Variants in NCKAP5 observed in about 807,000 individuals in gnomAD.
NCKAP5 encodes nck-associated protein 5.
Under a neutral mutation model 167.0 loss-of-function variants are expected in NCKAP5, and 92 were observed. That is an observed-to-expected ratio of 0.55 (90% CI 0.47 to 0.66). The LOEUF is 0.66. NCKAP5 is among the 30% of genes least tolerant of loss of function. The pLI is 0.00. For synonymous variants in NCKAP5, 891 were observed against 877.4 expected (o/e 1.02, Z -0.27); for missense variants, 2,378 against 2,315.0 (o/e 1.03, Z -0.56).
At chr2:133,511,122 C>A (rs1683451778) in intron 3 of NCKAP5, among the ~76,000 whole-genome samples, 1 of 152,238 alleles carries the variant, frequency 6.6e-6, no homozygotes, top group African/African-American at 2.4e-5. Context: ...ATCCTCATTG[C>A]TGACATGCTC....
At chr2:133,158,586 G>T (rs2083666395) in intron 5 of NCKAP5, among the ~76,000 whole-genome samples, 1 of 152,130 alleles carries the variant, frequency 6.6e-6, no homozygotes, top group African/African-American at 2.4e-5. Flanking sequence ...ACCTCAGAAT[G>T]ATGCTTCTCT....
chr2:133,034,626 T>A (rs2149435478), intron 6 of NCKAP5, among the ~76,000 whole-genome samples: 1 of 152,100 alleles, frequency 6.6e-6, no homozygotes, highest in Non-Finnish European at 1.5e-5. Context: ...GGGAACAAAG[T>A]TAAGGTGTAG....
At chr2:132,842,078 A>G (rs911851390) in intron 11 of NCKAP5, among the ~76,000 whole-genome samples, 1 of 152,162 alleles carries the variant, frequency 6.6e-6, no homozygotes, top group African/African-American at 2.4e-5. Context: ...TTAGGATTAC[A>G]TAAAGCTTAG....
At chr2:132,689,715 G>T (rs979127408) in intron 19 of NCKAP5, among the ~76,000 whole-genome samples, 2 of 152,032 alleles carry the variant, frequency 1.3e-5, no homozygotes, top group African/African-American at 4.8e-5. Context: ...CACAATTCAG[G>T]CAACCTCTGT....
intron 3 of NCKAP5, among the ~76,000 whole-genome samples, chr2:133,306,709 T>A (rs553212412): frequency 1.6e-4 from 24 of 152,338 alleles, no homozygotes; most frequent in African/African-American, 5.3e-4. Context: ...ATTCTTATTA[T>A]GAGGTGACTC....
At chr2:133,109,054 C>T (rs551682580) in intron 6 of NCKAP5, among the ~76,000 whole-genome samples, 3 of 152,300 alleles carry the variant, frequency 2.0e-5, no homozygotes, top group African/African-American at 7.2e-5. Context: ...TAACCATTCC[C>T]TCTCGGGCTA....
chr2:133,619,563 G>A, the NCKAP5 span, among the ~76,000 whole-genome samples: 1 of 151,904 alleles, frequency 6.6e-6, no homozygotes, highest in African/African-American at 2.4e-5. Context: ...GGAAAAATAT[G>A]AACAAAGCCT....
chr2:133,049,872 G>T (rs991773452), intron 6 of NCKAP5, among the ~76,000 whole-genome samples: 6 of 152,168 alleles, frequency 3.9e-5, no homozygotes, highest in East Asian at 1.9e-4. Context: ...TAATTCCCTG[G>T]CCTAGTGCTA....
chr2:132,949,672 C>T (rs915420515), intron 8 of NCKAP5, among the ~76,000 whole-genome samples: 6 of 152,172 alleles, frequency 3.9e-5, no homozygotes, highest in African/African-American at 1.4e-4. Context: ...CTGGCTTTGC[C>T]ATACCTACAT....
chr2:133,109,208 A>ACT (rs2081826565), intron 6 of NCKAP5, among the ~76,000 whole-genome samples: 2 of 152,190 alleles, frequency 1.3e-5, no homozygotes, highest in African/African-American at 4.8e-5. Context: ...TTAAGATACC[A>ACT]CTTACTTGAT....
At chr2:133,129,932 A>T in intron 6 of NCKAP5, 46 bp downstream of exon 6, 1 of 1,533,934 alleles carries the variant, frequency 6.5e-7, no homozygotes, top group Non-Finnish European at 8.7e-7. Context: ...ACTGGTGCAG[A>T]GAGAGATGCA....
intron 3 of NCKAP5, among the ~76,000 whole-genome samples, chr2:133,343,825 G>A (rs1371234856): frequency 6.6e-6 from 1 of 152,212 alleles, no homozygotes; most frequent in Non-Finnish European, 1.5e-5. Flanking sequence ...ACAAGCTTGG[G>A]AGTCGGAAGG....
the NCKAP5 span, among the ~76,000 whole-genome samples, chr2:133,640,935 A>G: frequency 6.6e-6 from 1 of 152,158 alleles, no homozygotes; most frequent in Non-Finnish European, 1.5e-5. Flanking sequence ...TTATCATAAC[A>G]CTTTTTACCC....
intron 3 of NCKAP5, among the ~76,000 whole-genome samples, chr2:133,400,789 T>A (rs1355476188): frequency 6.6e-6 from 1 of 152,228 alleles, no homozygotes; most frequent in Non-Finnish European, 1.5e-5. Context: ...ATTAAGTTTG[T>A]GGCCCATATA....
intron 3 of NCKAP5, among the ~76,000 whole-genome samples, chr2:133,495,265 C>CA (rs1681840377): frequency 1.3e-5 from 2 of 152,162 alleles, no homozygotes; most frequent in African/African-American, 4.8e-5. Flanking sequence ...TCTCCTGGGA[C>CA]TATGTCACAG....
chr2:133,615,681 G>C, the NCKAP5 span, among the ~76,000 whole-genome samples: 24 of 152,082 alleles, frequency 1.6e-4, no homozygotes, highest in Non-Finnish European at 3.1e-4. Context: ...AAGAGACTTA[G>C]ACCCCCACAC....
chr2:133,132,481 G>GCGCACACA (rs1553546861), intron 5 of NCKAP5, among the ~76,000 whole-genome samples: 13 of 130,056 alleles, frequency 1.0e-4, no homozygotes, highest in African/African-American at 3.8e-4. Context: ...GAAAAAAAAA[G>GCGCACACA]CACACACACA....
intron 5 of NCKAP5, among the ~76,000 whole-genome samples, chr2:133,159,922 A>G (rs2083718778): frequency 6.6e-6 from 1 of 152,180 alleles, no homozygotes. Flanking sequence ...AGGCAAAAGT[A>G]TGATGGGGAG....
chr2:133,426,391 A>C (rs909404246), intron 3 of NCKAP5, among the ~76,000 whole-genome samples: 1 of 149,396 alleles, frequency 6.7e-6, no homozygotes, highest in African/African-American at 2.4e-5. Flanking sequence ...ATTTAAAAAA[A>C]AAAGATAGAA....
Sources: gnomAD v4.1 joint callset for allele counts (sites outside exome capture counted in the v4.1 genomes callset) on GRCh38, gnomAD v4.1.1 for gene constraint, MANE v1.5 for transcripts, NCBI Gene and HGNC (gene_info 2026-07-23, HGNC 2026-07-21) for gene names.